The following CHMP4C variants were observed in gnomAD, a reference collection of about 807,000 sequenced individuals.
CHMP4C encodes charged multivesicular body protein 4C, also known as SNF7 homolog associated with Alix 3.
In CHMP4C, 28 loss-of-function variants were observed where a neutral mutation model predicts 29.0. The observed-to-expected ratio is 0.97, with a 90% CI of 0.72 to 1.32. The LOEUF (loss-of-function observed/expected upper bound fraction) is 1.32. CHMP4C is among the 40% of genes most tolerant of loss of function. The pLI is 0.00. For missense variants in CHMP4C, 291 were observed against 281.0 expected, an observed-to-expected ratio of 1.04 and a Z score of -0.25; for synonymous variants, 106 against 102.4, an observed-to-expected ratio of 1.04 and a Z score of -0.21.
intron 1 of CHMP4C, among the ~76,000 whole-genome samples, chr8:81,738,595 C>T (rs1563618392): frequency 6.6e-6 from 1 of 152,178 alleles, no homozygotes; most frequent in African/African-American, 2.4e-5. Context: ...CTGCAGTCCT[C>T]AGACACTGCA....
Position 81,758,535 on chromosome 8 carries a change from G to A in CHMP4C, c.693G>A (p.Trp231Ter), listed in dbSNP as rs1809000716. 1 of 1,609,416 alleles carries A rather than the reference G, an allele frequency of 6.2e-7. No homozygotes were observed. Among genetic ancestry groups the A allele is most frequent in the Non-Finnish European group, 8.5e-7 (1 of 1,176,080 alleles). ...EDDDIKQLAAWAT is the reference protein window; with the variant it reads ...EDDDIKQLAA ...ATGATATCAAACAATTGGCAGCTTG[G>A]GCTACCTAAACTAAAACACATTTTT... The change falls in exon 5 of 5, where the codon TGG (tryptophan) becomes TGA (stop). Residue 231 changes from tryptophan (W) to a stop codon, truncating the protein, a stop_gained. Transcript: ENST00000297265. LOFTEE classifies it high-confidence loss of function.
chr8:81,753,577 A>G (rs1044203324), intron 2 of CHMP4C, among the ~76,000 whole-genome samples: 5 of 152,254 alleles, frequency 3.3e-5, no homozygotes, highest in African/African-American at 1.2e-4. Flanking sequence ...GTGGCTGTCA[A>G]ACTTTGGAGG....
chr8:81,754,850 G>A (rs902581946), intron 2 of CHMP4C, among the ~76,000 whole-genome samples: 6 of 152,114 alleles, frequency 3.9e-5, no homozygotes, highest in Non-Finnish European at 8.8e-5. Context: ...ACCTCTCAGG[G>A]CATCACCGCT....
intron 1 of CHMP4C, among the ~76,000 whole-genome samples, chr8:81,747,675 G>C (rs1031750874): frequency 6.6e-6 from 1 of 152,112 alleles, no homozygotes; most frequent in Non-Finnish European, 1.5e-5. Context: ...TAAAGGGACA[G>C]AGTACAAAAG....
intron 1 of CHMP4C, among the ~76,000 whole-genome samples, chr8:81,745,946 C>T (rs185868122): frequency 1.8e-4 from 27 of 152,294 alleles, no homozygotes; most frequent in Admixed American, 1.3e-3. Flanking sequence ...AAATCAGTAA[C>T]AATGCTTGAT....
chr8:81,758,695 G>A lies in CHMP4C; in HGVS notation c.*151G>A, dbSNP rs369391769. On this transcript the variant is annotated 3_prime_UTR_variant, in exon 5 of 5. Transcript: ENST00000297265. The stretch of plus-strand genomic sequence containing the variant: ...AAGCCTCCTAAGTAAAAGTAAAAAA[G>A]GAGTCATGTGCATACATAGAATCAG... The A allele has an allele frequency of 1.6e-4, 100 of 631,226 alleles. No homozygotes were observed. In the East Asian group the frequency reaches 1.8e-3, roughly 12 times the overall value. The allele number at this position is 631,226 out of a possible 1,614,324, so 39.1% of individuals were successfully genotyped here. A position where few individuals can be genotyped will look rare whatever the true frequency, so the allele number is the denominator to read the frequency against.
chr8:81,751,583 G>C (rs1764968153), intron 1 of CHMP4C, among the ~76,000 whole-genome samples: 1 of 151,960 alleles, frequency 6.6e-6, no homozygotes, highest in Admixed American at 6.6e-5. Flanking sequence ...ATATACAATT[G>C]CCCAACAATT....
At chr8:81,756,469 G>T (rs1035456325) in intron 3 of CHMP4C, among the ~76,000 whole-genome samples, 1 of 152,178 alleles carries the variant, frequency 6.6e-6, no homozygotes, top group Non-Finnish European at 1.5e-5. Flanking sequence ...ATGGTGGAAA[G>T]GAATCTGGGC....
chr8:81,747,344 C>CAAA (rs568055667), intron 1 of CHMP4C, among the ~76,000 whole-genome samples: 1 of 137,094 alleles, frequency 7.3e-6, no homozygotes. Context: ...AAAAGTTGCT[C>CAAA]AAAAAAAAAA....
In CHMP4C at chr8:81,753,169, C is replaced by T. The variant is rs778203941; in HGVS notation, c.296C>T (p.Ser99Leu). ...TTCCAGAGAGAAGCCCTGGAGAACT[C>T]ACACACCAACACTGAGGTGTTGAGG... ...IEFQREALEN[S>L]HTNTEVLRNM... Residue 99 changes from serine to leucine, a missense_variant, in exon 2 of 5, where the codon TCA (serine) becomes TTA (leucine). Physicochemically the swap from Ser to Leu is moderately radical, Grantham distance 145. Coordinates refer to ENST00000297265, the MANE Select transcript of CHMP4C (RefSeq NM_152284.4). The T allele has an allele frequency of 1.2e-6, 2 of 1,612,384 alleles. No individual in the cohort carries two copies. Among genetic ancestry groups the T allele is most frequent in the African/African-American group, 2.7e-5 (2 of 74,834 alleles).
chr8:81,755,983 A>C (rs1808967471), intron 3 of CHMP4C, among the ~76,000 whole-genome samples: 1 of 152,208 alleles, frequency 6.6e-6, no homozygotes, highest in African/African-American at 2.4e-5. Context: ...ACAGACTATA[A>C]TTATAATGGT....
chr8:81,752,666 A>G (rs572314016), intron 1 of CHMP4C, among the ~76,000 whole-genome samples: 22 of 152,252 alleles, frequency 1.4e-4, no homozygotes, highest in African/African-American at 5.3e-4. Flanking sequence ...CCTTTAAGAA[A>G]ATGGGGCTAG....
Position 81,755,497 on chromosome 8 carries a change from A to G in CHMP4C, c.483+13A>G. 2 of 1,475,672 alleles carry G rather than the reference A, an allele frequency of 1.4e-6. No individual in the cohort carries two copies. The highest frequency in any genetic ancestry group is 1.9e-6 in the Non-Finnish European group (2 of 1,054,954). The allele number at this position is 1,475,672 out of a possible 1,614,324, so 91.4% of individuals were successfully genotyped here. On this transcript the variant is annotated intron_variant, in intron 3 of 4. Coordinates refer to ENST00000297265, the MANE Select transcript of CHMP4C (RefSeq NM_152284.4). Reference sequence around the variant, plus strand: ...TGACTTTGATGAGGTACGTAACCCAATATGAAGAATGCAGGATTGTGGCTG... The same window carrying G: ...TGACTTTGATGAGGTACGTAACCCAGTATGAAGAATGCAGGATTGTGGCTG...
intron 1 of CHMP4C, among the ~76,000 whole-genome samples, chr8:81,751,159 T>A (rs918954756): frequency 6.6e-6 from 1 of 152,102 alleles, no homozygotes; most frequent in Non-Finnish European, 1.5e-5. Flanking sequence ...TTTATATCAA[T>A]GCACCTTTTC....
chr8:81,757,997 A>G (rs1011702652), intron 3 of CHMP4C, 145 bp from the exon 4 acceptor site: 21 of 752,654 alleles, frequency 2.8e-5, no homozygotes, highest in Non-Finnish European at 3.9e-5. Context: ...TCAGTGTTGC[A>G]AAAAAGACTT....
chr8:81,749,979 G>A (rs555105812), intron 1 of CHMP4C, among the ~76,000 whole-genome samples: 9 of 152,222 alleles, frequency 5.9e-5, no homozygotes, highest in African/African-American at 2.2e-4. Context: ...CTGGTGAAGG[G>A]AATTTCTAAG....
intron 1 of CHMP4C, among the ~76,000 whole-genome samples, chr8:81,749,601 G>T (rs1808871149): frequency 6.6e-6 from 1 of 152,192 alleles, no homozygotes; most frequent in Admixed American, 6.5e-5. Context: ...AAAGGGTGGA[G>T]CTCTGAAGCT....
intron 1 of CHMP4C, among the ~76,000 whole-genome samples, chr8:81,737,011 T>C (rs1808700474): frequency 6.6e-6 from 1 of 152,218 alleles, no homozygotes; most frequent in African/African-American, 2.4e-5. Flanking sequence ...CAAGCCTCTG[T>C]TGATCAAAAG....
At chr8:81,748,062 G>A (rs1325804163) in intron 1 of CHMP4C, among the ~76,000 whole-genome samples, 2 of 152,076 alleles carry the variant, frequency 1.3e-5, no homozygotes, top group Admixed American at 6.6e-5. Context: ...CCTACCCATA[G>A]GTGCGCATTC....
Sources: allele counts gnomAD v4.1 joint callset (sites outside exome capture counted in the v4.1 genomes callset), GRCh38; gene constraint gnomAD v4.1.1; transcripts MANE v1.5; gene names NCBI Gene and HGNC (gene_info 2026-07-23, HGNC 2026-07-21).